Variants in C14orf119 observed in about 807,000 individuals in gnomAD.
The protein encoded by C14orf119 is chromosome 14 open reading frame 119, also known as uncharacterized protein C14orf119.
A neutral mutation model predicts 13.5 loss-of-function variants in C14orf119; 17 were observed. That is an observed-to-expected ratio of 1.26 (90% CI 0.86 to 1.88). C14orf119 has a LOEUF of 1.88. Among genes scored for constraint, C14orf119 ranks in the 40% most tolerant of loss-of-function variants. C14orf119 has a pLI of 0.00. For synonymous variants in C14orf119, 61 were observed against 61.9 expected (o/e 0.99, Z 0.07); for missense variants, 162 against 165.9 (o/e 0.98, Z 0.13).
chr14:23,097,620 C>G (rs374858645), intron 1 of C14orf119, 38 bp from the exon 2 acceptor site: 11 of 1,571,630 alleles, frequency 7.0e-6, no homozygotes, highest in Non-Finnish European at 9.6e-6. Context: ...TTTCGTTGCT[C>G]TACCTGGAGA....
In C14orf119 at chr14:23,098,074, A is replaced by G. The variant is rs1219092186; in HGVS notation, c.416A>G (p.Lys139Arg). Reference sequence around the variant, plus strand: ...CAAGCAGTGGCTGCTACAGCTGGTAAGGACTGATAGGCATTCAGACCAAAG... The same window carrying G: ...CAAGCAGTGGCTGCTACAGCTGGTAGGGACTGATAGGCATTCAGACCAAAG... ...FYQAVAATAG[K>R]D Residue 139 changes from lysine to arginine, a missense_variant, in exon 2 of 2, where the codon AAG (lysine) becomes AGG (arginine). By Grantham distance (26) the Lys-to-Arg change is conservative (BLOSUM62 2). Coordinates refer to ENST00000319074, the MANE Select transcript of C14orf119 (RefSeq NM_017924.4). 1 of 1,612,804 alleles carries G rather than the reference A, an allele frequency of 6.2e-7. No homozygotes were observed. The highest frequency in any genetic ancestry group is 8.5e-7 in the Non-Finnish European group (1 of 1,179,402).
Position 23,098,133 on chromosome 14 carries a change from T to C in C14orf119, c.*52T>C. On this transcript the variant is annotated 3_prime_UTR_variant, in exon 2 of 2. Coordinates refer to ENST00000319074, the MANE Select transcript of C14orf119 (RefSeq NM_017924.4). ...CATAGCTGATGGAGCCATGACTCTC[T>C]ACAATGATAACTCAATTCAAATGTG... The C allele has an allele frequency of 6.4e-7, 1 of 1,555,348 alleles. No individual in the cohort carries two copies. The highest frequency in any genetic ancestry group is 8.8e-7 in the Non-Finnish European group (1 of 1,142,156).
At chr14:23,096,400 T>TCCCAGCTAC (rs2048372543) in intron 1 of C14orf119, among the ~76,000 whole-genome samples, 1 of 150,126 alleles carries the variant, frequency 6.7e-6, no homozygotes, top group South Asian at 2.1e-4. Flanking sequence ...ACGCCTATAG[T>TCCCAGCTAC]CCCAGCTACT....
At position 23,099,976 on chromosome 14, in the gene C14orf119, AAGGGGGCTGGGAGTGGTGGC is replaced by A. The variant is rs2048417342; in HGVS notation, c.*1898_*1917del. The stretch of plus-strand genomic sequence containing the variant: ...AATCCCTAACAGTGCTTAAGAAAGG[AAGGGGGCTGGGAGTGGTGGC>A]AGTGGCTCCCAGCACTTTGGGAGGC... On this transcript the variant is annotated 3_prime_UTR_variant, in exon 2 of 2. Coordinates refer to ENST00000319074, the MANE Select transcript of C14orf119 (RefSeq NM_017924.4). 1 of 167,444 alleles carries A rather than the reference AAGGGGGCTGGGAGTGGTGGC, an allele frequency of 6.0e-6. No individual in the cohort carries two copies. The highest frequency in any genetic ancestry group is 1.5e-5 in the Non-Finnish European group (1 of 68,582). The allele number at this position is 167,444 out of a possible 1,614,324, so 10.4% of individuals were successfully genotyped here.
At chr14:23,096,101 A>G (rs1332526619) in intron 1 of C14orf119, among the ~76,000 whole-genome samples, 2 of 152,264 alleles carry the variant, frequency 1.3e-5, no homozygotes, top group Non-Finnish European at 2.9e-5. Flanking sequence ...GAAGAAACAC[A>G]AACAGTAAAA....
At chr14:23,096,815 G>C (rs570712904) in intron 1 of C14orf119, among the ~76,000 whole-genome samples, 1 of 152,068 alleles carries the variant, frequency 6.6e-6, no homozygotes, top group African/African-American at 2.4e-5. Context: ...GGGCTCAAGC[G>C]ATCCTCTTGC....
At chr14:23,096,862 G>GC (rs144242569) in intron 1 of C14orf119, among the ~76,000 whole-genome samples, 1,592 of 152,178 alleles carry the variant, frequency 0.01, 21 homozygotes, top group African/African-American at 0.035. Context: ...CTTTGGAAGT[G>GC]CAAGAACCAC....
Position 23,099,712 on chromosome 14 carries a change from G to A in C14orf119, c.*1631G>A, listed in dbSNP as rs1473444890. 7 of 326,636 alleles carry A rather than the reference G, an allele frequency of 2.1e-5. No individual in the cohort carries two copies. Among genetic ancestry groups the A allele is most frequent in the Admixed American group, 5.0e-5 (1 of 19,856 alleles). The allele number at this position is 326,636 out of a possible 1,614,324, so 20.2% of individuals were successfully genotyped here. A position where few individuals can be genotyped will look rare whatever the true frequency, so the allele number is the denominator to read the frequency against. ...ATAGCTGGGACTACAGGCGCACGCC[G>A]CACCACCACGTCTGGCTAAGGGGCT... On this transcript the variant is annotated 3_prime_UTR_variant, in exon 2 of 2. Coordinates refer to ENST00000319074, the MANE Select transcript of C14orf119 (RefSeq NM_017924.4).
At position 23,100,369 on chromosome 14, in the gene C14orf119, C is replaced by G. The variant is rs1043839363; in HGVS notation, c.*2288C>G. 2.4e-6 allele frequency: 1 copy of G among 411,572 alleles called. No individual in the cohort carries two copies. 25.5% of individuals were successfully genotyped at this position (411,572 alleles called of 1,614,324 possible). A position where few individuals can be genotyped will look rare whatever the true frequency, so the allele number is the denominator to read the frequency against. On this transcript the variant is annotated 3_prime_UTR_variant, in exon 2 of 2. Coordinates refer to ENST00000319074, the MANE Select transcript of C14orf119 (RefSeq NM_017924.4). ...TCAGGTAGTGACGGGACTGGATGAT[C>G]GTGTTAGGGATCTTTGTTCTCTGAA...
rs924386095 is a variant in C14orf119, at chr14:23,095,507, G to A, written c.-114G>A. ...GGCGGGTCCGAGGCCGGAAGTGCGTGGGCTGCCGGGCTGGCCCAGCTTAGG... is the reference window on the plus strand; with the variant it reads ...GGCGGGTCCGAGGCCGGAAGTGCGTAGGCTGCCGGGCTGGCCCAGCTTAGG... On this transcript the variant is annotated 5_prime_UTR_variant, in exon 1 of 2. Coordinates refer to ENST00000319074, the MANE Select transcript of C14orf119 (RefSeq NM_017924.4). The A allele has an allele frequency of 3.4e-6, 2 of 586,254 alleles. No individual in the cohort carries two copies. Among genetic ancestry groups the A allele is most frequent in the African/African-American group, 1.9e-5 (1 of 53,570 alleles). 36.3% of individuals were successfully genotyped at this position (586,254 alleles called of 1,614,324 possible). A position where few individuals can be genotyped will look rare whatever the true frequency, so the allele number is the denominator to read the frequency against.
rs188231873 is a variant in C14orf119 at position 23,100,046 on chromosome 14, C to T, written c.*1965C>T. 42 of 163,864 alleles carry T rather than the reference C, an allele frequency of 2.6e-4. 1 individual carries two copies. Among genetic ancestry groups the T allele is most frequent in the Non-Finnish European group, 4.5e-4 (31 of 68,768 alleles). The allele number at this position is 163,864 out of a possible 1,614,324, so 10.2% of individuals were successfully genotyped here. ...CAGAGGCCGGTGGGTTGCTTTAGCT[C>T]AGGAGTTGGAGACAAGCCTGGGCAA... On this transcript the variant is annotated 3_prime_UTR_variant, in exon 2 of 2. Coordinates refer to ENST00000319074, the MANE Select transcript of C14orf119 (RefSeq NM_017924.4).
In C14orf119 at chr14:23,097,835, G is replaced by A. The variant is rs2140278008; in HGVS notation, c.177G>A (p.Glu59=). The A allele has an allele frequency of 1.2e-6, 2 of 1,614,214 alleles. No individual in the cohort carries two copies. The highest frequency in any genetic ancestry group is 2.2e-5 in the South Asian group (2 of 91,086). Reference sequence around the variant, plus strand: ...GTCCCCAGCGTGAACGTTTCCTAGAGGACCTGGTAGCTAAGGCAGTGCCAG... The same window carrying A: ...GTCCCCAGCGTGAACGTTTCCTAGAAGACCTGGTAGCTAAGGCAGTGCCAG... ...WSGPQRERFL[E]DLVAKAVPEK... is the part of the protein sequence containing the mutation. Residue 59 remains glutamate, a synonymous_variant, in exon 2 of 2, where the codon GAG becomes GAA. Transcript: ENST00000319074.
At position 23,098,138 on chromosome 14, in the gene C14orf119, T is replaced by C; in HGVS notation, c.*57T>C. 6.5e-7 allele frequency: 1 copy of C among 1,546,416 alleles called. No homozygotes were observed. Among genetic ancestry groups the C allele is most frequent in the Non-Finnish European group, 8.8e-7 (1 of 1,136,666 alleles). ...CTGATGGAGCCATGACTCTCTACAA[T>C]GATAACTCAATTCAAATGTGTCGCC... On this transcript the variant is annotated 3_prime_UTR_variant, in exon 2 of 2. Coordinates refer to ENST00000319074, the MANE Select transcript of C14orf119 (RefSeq NM_017924.4).
chr14:23,099,557 C>CT lies in C14orf119; in HGVS notation c.*1495dup, dbSNP rs11372755. 0.45 allele frequency: 136,356 copies of CT among 304,942 alleles called. 25,980 individuals carry two copies. The highest frequency in any genetic ancestry group is 0.59 in the Admixed American group (9,783 of 16,610). The allele number at this position is 304,942 out of a possible 1,614,324, so 18.9% of individuals were successfully genotyped here. On this transcript the variant is annotated 3_prime_UTR_variant, in exon 2 of 2. Coordinates refer to ENST00000319074, the MANE Select transcript of C14orf119 (RefSeq NM_017924.4). The stretch of plus-strand genomic sequence containing the variant: ...GCCTTAGTAGATAAAGCGGCATTAC[C>CT]TTTTTTTTTTTTTTTTTTTGGAGAC...
chr14:23,096,576 A>AAAAAAAAT (rs1472408476), intron 1 of C14orf119, among the ~76,000 whole-genome samples: 1 of 136,036 alleles, frequency 7.4e-6, no homozygotes, highest in Admixed American at 7.7e-5. Context: ...AAAAAAAAAA[A>AAAAAAAAT]TTTTTTTTTT....
At chr14:23,096,738 A>G (rs2048382275) in intron 1 of C14orf119, among the ~76,000 whole-genome samples, 1 of 151,838 alleles carries the variant, frequency 6.6e-6, no homozygotes, top group Admixed American at 6.6e-5. Flanking sequence ...CTCTACGCTC[A>G]ACTAATTTTT....
In C14orf119 at chr14:23,098,321, C is replaced by T. The variant is rs538313352; in HGVS notation, c.*240C>T. On this transcript the variant is annotated 3_prime_UTR_variant, in exon 2 of 2. Transcript: ENST00000319074. ...ATCAGTCTACTAGTTTGCTTCTTTC[C>T]GAGAGATGTCAAGTCCTCAAGAATT... is the stretch of plus-strand genomic sequence containing the variant. The T allele has an allele frequency of 4.2e-6, 2 of 481,176 alleles. No individual in the cohort carries two copies. Among genetic ancestry groups the T allele is most frequent in the Non-Finnish European group, 3.9e-6 (1 of 257,960 alleles). 29.8% of individuals were successfully genotyped at this position (481,176 alleles called of 1,614,324 possible). A position where few individuals can be genotyped will look rare whatever the true frequency, so the allele number is the denominator to read the frequency against.
chr14:23,097,885 G>A lies in C14orf119; in HGVS notation c.227G>A (p.Ser76Asn), dbSNP rs761871813. The change falls in exon 2 of 2, where the codon AGT (serine) becomes AAT (asparagine). Residue 76 changes from serine (S) to asparagine (N), a missense_variant. Ser to Asn is a conservative substitution (Grantham distance 46, BLOSUM62 1). Coordinates refer to ENST00000319074, the MANE Select transcript of C14orf119 (RefSeq NM_017924.4). ...GAAAAATTACAACCACTGCTGGATA[G>A]TCTGGAGCAGCTTAGTGTGTCTGGG... is the stretch of plus-strand genomic sequence containing the variant. ...VPEKLQPLLDSLEQLSVSGAD... is the reference protein window; with the variant it reads ...VPEKLQPLLDNLEQLSVSGAD... 13 of 1,614,158 alleles carry A rather than the reference G, an allele frequency of 8.1e-6. No individual in the cohort carries two copies. Among genetic ancestry groups the A allele is most frequent in the Non-Finnish European group, 1.0e-5 (12 of 1,179,990 alleles).
At chr14:23,096,508 C>CA (rs61586635) in intron 1 of C14orf119, among the ~76,000 whole-genome samples, 4,105 of 62,470 alleles carry the variant, frequency 0.066, 622 homozygotes, top group African/African-American at 0.19. Flanking sequence ...GACTCCGTCT[C>CA]AAAAAAAAAA....
Sources: gnomAD v4.1 joint callset for allele counts (sites outside exome capture counted in the v4.1 genomes callset) on GRCh38, gnomAD v4.1.1 for gene constraint, MANE v1.5 for transcripts, NCBI Gene and HGNC (gene_info 2026-07-23, HGNC 2026-07-21) for gene names.